Variants in MALRD1 observed in about 807,000 individuals in gnomAD.
The protein encoded by MALRD1 is MAM and LDL-receptor class A domain-containing protein 1.
A neutral mutation model predicts 242.1 loss-of-function variants in MALRD1; 247 were observed. The ratio of observed to expected loss-of-function variants is 1.02; its 90% CI spans 0.92 to 1.13. The LOEUF is 1.13. MALRD1 is among the 50% of genes most tolerant of loss of function. The probability of loss-of-function intolerance (pLI) is 0.00; values close to 1 mark genes in which losing one functional copy is unlikely to be tolerated. For missense variants in MALRD1, 2,989 were observed against 2,533.1 expected (o/e 1.18, Z -3.86); for synonymous variants, 995 against 866.6 (o/e 1.15, Z -2.60).
intron 29 of MALRD1, among the ~76,000 whole-genome samples, chr10:19,451,688 A>G (rs1188368507): frequency 6.6e-6 from 1 of 152,158 alleles, no homozygotes; most frequent in African/African-American, 2.4e-5. Flanking sequence ...CAGTTCAAAA[A>G]TGTGACTTTG....
At chr10:19,397,021 A>G (rs778314100) in intron 28 of MALRD1, among the ~76,000 whole-genome samples, 7 of 152,350 alleles carry the variant, frequency 4.6e-5, no homozygotes, top group South Asian at 4.1e-4. Context: ...ATGTTTTGAT[A>G]CATGTATACA....
chr10:19,454,009 A>G (rs1016808965), intron 29 of MALRD1, among the ~76,000 whole-genome samples: 5 of 152,192 alleles, frequency 3.3e-5, no homozygotes, highest in East Asian at 1.9e-4. Context: ...TCAATGAGCC[A>G]TGATCATGCC....
In MALRD1 at chr10:19,310,598, G is replaced by A. The variant is rs116522935; in HGVS notation, c.3420-13351G>A. Among the ~76,000 whole-genome samples the A allele has an allele frequency of 2.4e-3, 358 of 151,612 alleles. 1 individual carries two copies. The highest frequency in any genetic ancestry group is 8.1e-3 in the African/African-American group (337 of 41,468). ...AAGAAAACCAGAAGACATCCAAATA[G>A]CTGTTCTTCATCTCCTAAATTTGGT... is the stretch of plus-strand genomic sequence containing the variant. On this transcript the variant is annotated intron_variant, in intron 21 of 39. Transcript: ENST00000454679.
intron 21 of MALRD1, among the ~76,000 whole-genome samples, chr10:19,298,179 A>G (rs2496052): frequency 0.31 from 47,157 of 151,900 alleles, 7,488 homozygotes; most frequent in South Asian, 0.49. Context: ...GGAAATGGGC[A>G]CATGGGAAGA....
At chr10:19,710,590 A>G (rs1331426832) in intron 38 of MALRD1, 2 of 152,312 alleles carry the variant, frequency 1.3e-5, no homozygotes, top group East Asian at 3.9e-4. Flanking sequence ...TTCTAAATCC[A>G]TTTTCACTGG....
At position 19,297,076 on chromosome 10, in the gene MALRD1, A is replaced by T. The variant is rs978769482; in HGVS notation, c.3419+13895A>T. 1.9e-4 allele frequency among the ~76,000 whole-genome samples: 28 copies of T among 150,420 alleles called. 1 individual carries two copies. Among genetic ancestry groups the T allele is most frequent in the African/African-American group, 6.3e-4 (26 of 41,204 alleles). On this transcript the variant is annotated intron_variant, in intron 21 of 39. Coordinates refer to ENST00000454679, the MANE Select transcript of MALRD1 (RefSeq NM_001142308.3). ...AGTGCCTCAACTCTTTTCTCTTGGTATTATCTTTATTTATATATAAATATA... is the reference window on the plus strand; with the variant it reads ...AGTGCCTCAACTCTTTTCTCTTGGTTTTATCTTTATTTATATATAAATATA...
At chr10:19,564,712 T>C (rs1046824004) in intron 32 of MALRD1, among the ~76,000 whole-genome samples, 1 of 152,108 alleles carries the variant, frequency 6.6e-6, no homozygotes, top group African/African-American at 2.4e-5. Context: ...AAATGTAAAA[T>C]TAGAAACAAA....
At chr10:19,540,001 C>G (rs546448921) in intron 32 of MALRD1, among the ~76,000 whole-genome samples, 6 of 151,764 alleles carry the variant, frequency 4.0e-5, no homozygotes, top group Admixed American at 2.0e-4. Flanking sequence ...CCTCGGCCTC[C>G]CATGCCACAT....
chr10:19,457,169 TC>T (rs1835704193), intron 29 of MALRD1, among the ~76,000 whole-genome samples: 1 of 152,148 alleles, frequency 6.6e-6, no homozygotes, highest in African/African-American at 2.4e-5. Context: ...TGAGTTGATT[TC>T]CCTCCTGATG....
chr10:19,360,158 A>C (rs2130701543), intron 26 of MALRD1, among the ~76,000 whole-genome samples: 1 of 152,260 alleles, frequency 6.6e-6, no homozygotes, highest in African/African-American at 2.4e-5. Context: ...TCAGGAATAC[A>C]TTACTAAAAG....
At chr10:19,085,397 AC>A in intron 2 of MALRD1, among the ~76,000 whole-genome samples, 1 of 152,110 alleles carries the variant, frequency 6.6e-6, no homozygotes, top group African/African-American at 2.4e-5. Context: ...TGAAGTACAC[AC>A]TAAAAAAAAT....
intron 28 of MALRD1, among the ~76,000 whole-genome samples, chr10:19,445,951 T>C (rs986919545): frequency 2.5e-4 from 38 of 152,178 alleles, no homozygotes; most frequent in Admixed American, 9.8e-4. Flanking sequence ...TCCACCCAGA[T>C]TGAGCTTCCT....
At chr10:19,266,142 G>C (rs1316538885) in intron 19 of MALRD1, among the ~76,000 whole-genome samples, 1 of 123,140 alleles carries the variant, frequency 8.1e-6, no homozygotes, top group Non-Finnish European at 1.7e-5. Flanking sequence ...CACATTATTG[G>C]ATATTGTTTT....
At chr10:19,730,017 G>A (rs983825329) in intron 38 of MALRD1, among the ~76,000 whole-genome samples, 10 of 152,088 alleles carry the variant, frequency 6.6e-5, no homozygotes, top group African/African-American at 2.4e-4. Context: ...GATTACAGGC[G>A]TGAGCCACCA....
intron 31 of MALRD1, among the ~76,000 whole-genome samples, chr10:19,515,556 T>C (rs1833588164): frequency 6.6e-6 from 1 of 151,716 alleles, no homozygotes; most frequent in Admixed American, 6.6e-5. Context: ...TTTTTTTTAA[T>C]TTTTATTTAT....
chr10:19,534,600 A>G (rs968175075), intron 32 of MALRD1, among the ~76,000 whole-genome samples: 28 of 152,152 alleles, frequency 1.8e-4, no homozygotes, highest in Admixed American at 1.3e-3. Context: ...TTCTAAGTAA[A>G]AAACAAGTCC....
chr10:19,447,060 AC>A (rs2131020126), intron 28 of MALRD1, among the ~76,000 whole-genome samples: 1 of 91,138 alleles, frequency 1.1e-5, no homozygotes, highest in African/African-American at 3.8e-5. Flanking sequence ...ACACACACAC[AC>A]ATACACAGAC....
At chr10:19,448,668 T>C (rs971356611) in intron 28 of MALRD1, among the ~76,000 whole-genome samples, 21 of 152,160 alleles carry the variant, frequency 1.4e-4, no homozygotes, top group African/African-American at 5.1e-4. Context: ...TATTAGAATA[T>C]TGTATTACTA....
At chr10:19,616,750 A>G (rs180979735) in intron 36 of MALRD1, among the ~76,000 whole-genome samples, 116 of 152,128 alleles carry the variant, frequency 7.6e-4, no homozygotes, top group African/African-American at 2.3e-3. Context: ...AGAAAAAGTA[A>G]TTTATTCCTA....
Sources: allele counts gnomAD v4.1 joint callset (sites outside exome capture counted in the v4.1 genomes callset), GRCh38; gene constraint gnomAD v4.1.1; transcripts MANE v1.5; gene names NCBI Gene and HGNC (gene_info 2026-07-23, HGNC 2026-07-21).